The following ZNF365 variants were observed in gnomAD, a reference collection of about 807,000 sequenced individuals.
ZNF365 encodes protein ZNF365.
Under a neutral mutation model 35.0 loss-of-function variants are expected in ZNF365, and 22 were observed. That is an observed-to-expected ratio of 0.63 (90% confidence interval 0.45 to 0.90). The LOEUF is 0.90. ZNF365 is among the 40% of genes least tolerant of loss of function. ZNF365 has a pLI of 0.00. For synonymous variants in ZNF365, 188 were observed against 196.2 expected (o/e 0.96, Z 0.35); for missense variants, 448 against 500.3 (o/e 0.90, Z 1.00).
intron 3 of ZNF365, among the ~76,000 whole-genome samples, chr10:62,447,752 C>G (rs1009506644): frequency 6.6e-6 from 1 of 152,152 alleles, no homozygotes; most frequent in Non-Finnish European, 1.5e-5. Context: ...TCTTTCTGCT[C>G]CCTCCTCTAA....
At chr10:62,390,925 G>C (rs1449387876) in intron 3 of ZNF365, among the ~76,000 whole-genome samples, 1 of 152,188 alleles carries the variant, frequency 6.6e-6, no homozygotes, top group Non-Finnish European at 1.5e-5. Context: ...GCTGTATAGG[G>C]CATTTACCAT....
intron 2 of ZNF365, among the ~76,000 whole-genome samples, chr10:62,382,407 T>C (rs1269116354): frequency 1.3e-5 from 2 of 152,184 alleles, no homozygotes; most frequent in East Asian, 3.8e-4. Context: ...CTTGCAGACT[T>C]AGAAACTCAT....
intron 4 of ZNF365, among the ~76,000 whole-genome samples, chr10:62,476,521 C>A (rs140534597): frequency 4.2e-4 from 64 of 152,310 alleles, no homozygotes; most frequent in African/African-American, 1.5e-3. Flanking sequence ...CACTACATGA[C>A]GTCCTAACTA....
intron 3 of ZNF365, among the ~76,000 whole-genome samples, chr10:62,445,010 G>A (rs575323459): frequency 3.9e-5 from 6 of 151,948 alleles, no homozygotes; most frequent in African/African-American, 1.2e-4. Flanking sequence ...CCACCTATGA[G>A]TGAGAACACG....
At chr10:62,398,895 G>T (rs929066639) in intron 4 of ZNF365, 118 bp downstream of exon 4, 5 of 1,074,468 alleles carry the variant, frequency 4.7e-6, no homozygotes, top group Non-Finnish European at 6.6e-6. Context: ...AAATGGCTTT[G>T]GGAGGCTTAA....
chr10:62,408,453 C>T (rs1425948531), intron 3 of ZNF365, among the ~76,000 whole-genome samples: 1 of 152,114 alleles, frequency 6.6e-6, no homozygotes, highest in Non-Finnish European at 1.5e-5. Flanking sequence ...GGCTCTGCCA[C>T]TTACTAGTTT....
chr10:62,480,143 C>T, exon 5 of ZNF365: 2 of 1,290,322 alleles, frequency 1.5e-6, no homozygotes, highest in South Asian at 4.3e-5. Flanking sequence ...GCCCACCCCT[C>T]ATGCTTTGAG....
intron 3 of ZNF365, among the ~76,000 whole-genome samples, chr10:62,415,652 G>C (rs571824389): frequency 4.6e-5 from 7 of 152,104 alleles, no homozygotes; most frequent in African/African-American, 1.7e-4. Context: ...TGTTTCATAT[G>C]TTTTCTGTTT....
intron 3 of ZNF365, among the ~76,000 whole-genome samples, chr10:62,416,749 G>A (rs1589444336): frequency 6.6e-6 from 1 of 152,084 alleles, no homozygotes; most frequent in East Asian, 1.9e-4. Flanking sequence ...TGGAATATTA[G>A]CCTTATACTT....
rs555288952 is a variant in ZNF365, at chr10:62,379,514, T to C, written c.743+2578T>C. 2.0e-5 allele frequency among the ~76,000 whole-genome samples: 3 copies of C among 152,162 alleles called. No homozygotes were observed. In the East Asian group the frequency reaches 5.8e-4, roughly 29 times the overall value. On this transcript the variant is annotated intron_variant, in intron 2 of 4. Coordinates refer to ENST00000395254, the MANE Select transcript of ZNF365 (RefSeq NM_014951.3). Reference sequence around the variant, plus strand: ...TCAGTTTCTGTATTCAGGCCTCAAATAATCACTCTTTCTGTACATAAAGTG... The same window carrying C: ...TCAGTTTCTGTATTCAGGCCTCAAACAATCACTCTTTCTGTACATAAAGTG...
intron 4 of ZNF365, among the ~76,000 whole-genome samples, chr10:62,472,061 A>G (rs1841048800): frequency 6.6e-6 from 1 of 152,238 alleles, no homozygotes; most frequent in South Asian, 2.1e-4. Flanking sequence ...TGGGGTGCAT[A>G]GCACAATACA....
At chr10:62,461,698 T>C (rs1248358479) in intron 4 of ZNF365, among the ~76,000 whole-genome samples, 1 of 152,078 alleles carries the variant, frequency 6.6e-6, no homozygotes, top group Non-Finnish European at 1.5e-5. Context: ...AGAATGACAA[T>C]CGCGGACTTC....
At chr10:62,408,904 G>C (rs1345250811) in intron 3 of ZNF365, among the ~76,000 whole-genome samples, 1 of 152,014 alleles carries the variant, frequency 6.6e-6, no homozygotes, top group Non-Finnish European at 1.5e-5. Flanking sequence ...TCCCCAGCAG[G>C]GTCAAGATAG....
intron 4 of ZNF365, among the ~76,000 whole-genome samples, chr10:62,470,663 G>A (rs1307370911): frequency 6.6e-6 from 1 of 152,138 alleles, no homozygotes; most frequent in Non-Finnish European, 1.5e-5. Context: ...CAGTGCTGGG[G>A]TTTGCTATGT....
At chr10:62,412,536 A>G (rs992227747) in intron 3 of ZNF365, among the ~76,000 whole-genome samples, 1 of 152,080 alleles carries the variant, frequency 6.6e-6, no homozygotes, top group East Asian at 1.9e-4. Context: ...AAATCCCATC[A>G]TCTCAGCCCA....
intron 3 of ZNF365, among the ~76,000 whole-genome samples, chr10:62,417,075 A>G (rs1197623325): frequency 3.9e-5 from 6 of 152,108 alleles, no homozygotes; most frequent in African/African-American, 1.2e-4. Flanking sequence ...CCTTTTCAAG[A>G]GAAATAACCT....
At chr10:62,402,594 T>C (rs953865135), downstream of ZNF365, 33 of 404,892 alleles carry the variant, frequency 8.2e-5, no homozygotes, top group Non-Finnish European at 1.0e-4. Context: ...ATAGGTTTTC[T>C]TAACTTAGCT....
intron 4 of ZNF365, among the ~76,000 whole-genome samples, chr10:62,461,974 A>G (rs973008640): frequency 1.3e-5 from 2 of 151,896 alleles, no homozygotes; most frequent in African/African-American, 2.4e-5. Context: ...TTCTCTCCCC[A>G]TCCTTTTTTT....
intron 4 of ZNF365, among the ~76,000 whole-genome samples, chr10:62,470,347 G>A (rs1189834379): frequency 6.6e-6 from 1 of 152,186 alleles, no homozygotes; most frequent in Non-Finnish European, 1.5e-5. Flanking sequence ...TCTATCATTG[G>A]TTGAGGACTG....
Sources: allele counts gnomAD v4.1 joint callset (sites outside exome capture counted in the v4.1 genomes callset), GRCh38; gene constraint gnomAD v4.1.1; transcripts MANE v1.5; gene names NCBI Gene and HGNC (gene_info 2026-07-23, HGNC 2026-07-21).